Variants in CCDC144A observed in about 807,000 individuals in gnomAD.
CCDC144A encodes coiled-coil domain-containing protein 144A.
Under a neutral mutation model 143.8 loss-of-function variants are expected in CCDC144A, and 41 were observed. That is an observed-to-expected ratio of 0.29 (90% confidence interval 0.22 to 0.37). The LOEUF is 0.37. Among genes scored for constraint, CCDC144A ranks in the 10% least tolerant of loss-of-function variants. The pLI, the probability that CCDC144A is intolerant of heterozygous loss-of-function variation, is 1.00. For synonymous variants in CCDC144A, 242 were observed against 517.9 expected, an observed-to-expected ratio of 0.47 and a Z score of 7.23; for missense variants, 637 against 1,488.8, an observed-to-expected ratio of 0.43 and a Z score of 9.41.
the CCDC144A span, among the ~76,000 whole-genome samples, chr17:16,676,196 G>A: frequency 2.0e-5 from 3 of 151,986 alleles, no homozygotes; most frequent in African/African-American, 4.8e-5. Flanking sequence ...ATAATTTTGA[G>A]AGTCCCTGAA....
intron 9 of CCDC144A, among the ~76,000 whole-genome samples, chr17:16,730,769 A>G (rs1167028641): frequency 1.4e-5 from 2 of 138,766 alleles, no homozygotes; most frequent in Non-Finnish European, 3.0e-5. Flanking sequence ...TGTAAAAGGG[A>G]TTAGGTTCTT....
At chr17:16,763,210 G>A (rs1260498930) in intron 14 of CCDC144A, among the ~76,000 whole-genome samples, 1 of 151,648 alleles carries the variant, frequency 6.6e-6, no homozygotes, top group East Asian at 1.9e-4. Context: ...GAAAGGGCAG[G>A]CCCCACCTCT....
intron 12 of CCDC144A, among the ~76,000 whole-genome samples, chr17:16,757,897 C>T (rs1239835022): frequency 2.0e-5 from 3 of 152,154 alleles, no homozygotes; most frequent in African/African-American, 2.4e-5. Flanking sequence ...TTGGGGGAAT[C>T]GGTCCTGGTT....
At chr17:16,680,277 A>C in the CCDC144A span, among the ~76,000 whole-genome samples, 2 of 151,952 alleles carry the variant, frequency 1.3e-5, no homozygotes, top group Non-Finnish European at 1.5e-5. Flanking sequence ...AAAATTACAA[A>C]AATTGGCCAG....
Position 16,762,951 on chromosome 17 carries a change from C to T in CCDC144A, c.3887+418C>T, listed in dbSNP as rs935780224. Among the ~76,000 whole-genome samples the T allele has an allele frequency of 4.2e-5, 6 of 144,568 alleles. No individual in the cohort carries two copies. The East Asian group carries it at 6.0e-4, about 15-fold the overall frequency. 94.8% of individuals were successfully genotyped at this position (144,568 alleles called of 152,430 possible). A position where few individuals can be genotyped will look rare whatever the true frequency, so the allele number is the denominator to read the frequency against. Reference sequence around the variant, plus strand: ...TACTAATTAATTAATTTCTGGAAGACGACAGCTGAAAACAGAAAGGGTCAA... The same window carrying T: ...TACTAATTAATTAATTTCTGGAAGATGACAGCTGAAAACAGAAAGGGTCAA... On this transcript the variant is annotated intron_variant, in intron 14 of 16. Transcript: ENST00000399273.
Position 16,745,687 on chromosome 17 carries a change from T to G in CCDC144A, c.3372+10044T>G, listed in dbSNP as rs1914465757. Reference sequence around the variant, plus strand: ...GTCCCCGAACCTTCTGCCTTGCAGATCCTCCTGTTTCCGCCACACTCTCGC... The same window carrying G: ...GTCCCCGAACCTTCTGCCTTGCAGAGCCTCCTGTTTCCGCCACACTCTCGC... On this transcript the variant is annotated intron_variant, in intron 12 of 16. Coordinates refer to ENST00000399273, the MANE Select transcript of CCDC144A (RefSeq NM_001382000.1). The G allele has an allele frequency of 3.7e-6, 6 of 1,613,348 alleles. No individual in the cohort carries two copies. The Admixed American group carries it at 6.7e-5, about 18-fold the overall frequency.
chr17:16,685,333 T>G (rs1169977052), upstream of CCDC144A, among the ~76,000 whole-genome samples: 1 of 151,866 alleles, frequency 6.6e-6, no homozygotes, highest in Non-Finnish European at 1.5e-5. Context: ...TTCTTTTCCA[T>G]GCCTTTTTGC....
At chr17:16,730,536 A>G (rs1273670172) in intron 9 of CCDC144A, among the ~76,000 whole-genome samples, 3 of 131,404 alleles carry the variant, frequency 2.3e-5, no homozygotes, top group African/African-American at 3.4e-5. Flanking sequence ...TGACAGTGGT[A>G]TGTTAATAGG....
rs532789226 is a variant in CCDC144A, at chr17:16,703,696, C to T, written c.416-1455C>T. ...GAGGGCACCGGTAGTCCCAGCTACT[C>T]GGGACGCTGAGGCAGAGAATGGCGT... is the stretch of plus-strand genomic sequence containing the variant. On this transcript the variant is annotated intron_variant, in intron 2 of 16. Transcript: ENST00000399273. Among the ~76,000 whole-genome samples the T allele has an allele frequency of 4.0e-5, 6 of 150,994 alleles. No homozygotes were observed. The East Asian group carries it at 5.8e-4, about 15-fold the overall frequency.
At chr17:16,746,062 G>C in intron 12 of CCDC144A, 1 of 1,609,646 alleles carries the variant, frequency 6.2e-7, no homozygotes, top group Non-Finnish European at 8.5e-7. Flanking sequence ...GACGTCTCCT[G>C]GGGCTCCTTC....
the CCDC144A span, among the ~76,000 whole-genome samples, chr17:16,674,452 T>C: frequency 6.6e-6 from 1 of 151,920 alleles, no homozygotes; most frequent in Admixed American, 6.6e-5. Flanking sequence ...TAATGTAAGA[T>C]AGATAAATCT....
chr17:16,744,801 A>G (rs1487797308), intron 12 of CCDC144A, among the ~76,000 whole-genome samples: 3 of 151,926 alleles, frequency 2.0e-5, no homozygotes, highest in Non-Finnish European at 4.4e-5. Flanking sequence ...ATACATTCAC[A>G]TTTAGCAATT....
intron 8 of CCDC144A, among the ~76,000 whole-genome samples, chr17:16,725,033 T>TTTTTTTTTTTTTTTG (rs1555532850): frequency 1.1e-5 from 1 of 94,300 alleles, no homozygotes; most frequent in East Asian, 2.7e-4. Flanking sequence ...TTTTTTTTTT[T>TTTTTTTTTTTTTTTG]TGTGTGAAAT....
upstream of CCDC144A, among the ~76,000 whole-genome samples, chr17:16,687,166 G>C (rs938786165): frequency 6.6e-6 from 1 of 152,152 alleles, no homozygotes; most frequent in African/African-American, 2.4e-5. Context: ...CCCTCAGTCA[G>C]TATGTAGTCA....
chr17:16,678,759 T>G, the CCDC144A span, among the ~76,000 whole-genome samples: 2 of 147,176 alleles, frequency 1.4e-5, no homozygotes, highest in Non-Finnish European at 3.0e-5. Flanking sequence ...TTGTTTTTTT[T>G]TTTTTTTTTT....
At chr17:16,708,680 T>A (rs1259055971) in intron 4 of CCDC144A, 116 bp from the exon 5 acceptor site, 1 of 990,202 alleles carries the variant, frequency 1.0e-6, no homozygotes, top group Non-Finnish European at 1.5e-6. Flanking sequence ...TTGTGAATTT[T>A]TCTTTGTTCA....
intron 8 of CCDC144A, among the ~76,000 whole-genome samples, chr17:16,723,981 G>A (rs1913240955): frequency 6.6e-6 from 1 of 151,736 alleles, no homozygotes; most frequent in African/African-American, 2.4e-5. Flanking sequence ...GACATTAAGT[G>A]CTAAAAAATT....
chr17:16,744,881 A>G (rs900234717), intron 12 of CCDC144A, among the ~76,000 whole-genome samples: 5 of 152,208 alleles, frequency 3.3e-5, no homozygotes, highest in African/African-American at 1.2e-4. Flanking sequence ...CAAATAAAGT[A>G]TCTAAAACTC....
the CCDC144A span, among the ~76,000 whole-genome samples, chr17:16,672,495 A>G: frequency 2.0e-5 from 3 of 152,270 alleles, no homozygotes; most frequent in Admixed American, 6.5e-5. Flanking sequence ...CAAAATTTCT[A>G]TAATGAAATG....
Sources: allele counts gnomAD v4.1 joint callset (sites outside exome capture counted in the v4.1 genomes callset), GRCh38; gene constraint gnomAD v4.1.1; transcripts MANE v1.5; gene names NCBI Gene and HGNC (gene_info 2026-07-23, HGNC 2026-07-21).